Variants in FRMD4A observed in about 807,000 individuals in gnomAD.
FRMD4A encodes the protein FERM domain containing 4A.
Under a neutral mutation model 129.1 loss-of-function variants are expected in FRMD4A, and 29 were observed. The observed-to-expected ratio is 0.22, with a 90% CI of 0.17 to 0.31. FRMD4A has a LOEUF of 0.31. Among genes scored for constraint, FRMD4A ranks in the 10% least tolerant of loss-of-function variants. FRMD4A has a pLI of 1.00. For synonymous variants in FRMD4A, 634 were observed against 571.6 expected (o/e 1.11, Z -1.56); for missense variants, 1,272 against 1,375.8 (o/e 0.92, Z 1.19).
Position 14,207,825 on chromosome 10 carries a change from T to C in FRMD4A, c.45+122233A>G, listed in dbSNP as rs777107313. 1.2e-4 allele frequency among the ~76,000 whole-genome samples: 19 copies of C among 152,150 alleles called. 1 individual carries two copies. The highest frequency in any genetic ancestry group is 9.2e-4 in the Admixed American group (14 of 15,278). On this transcript the variant is annotated intron_variant, in intron 2 of 24. Coordinates refer to ENST00000357447, the MANE Select transcript of FRMD4A (RefSeq NM_018027.5). ...TTTTTATTTCCCTCTTTATACTGTT[T>C]ACATTTTCAGTGTTATACAATAAGC...
chr10:14,242,018 C>G (rs1844066315), intron 2 of FRMD4A, among the ~76,000 whole-genome samples: 1 of 152,136 alleles, frequency 6.6e-6, no homozygotes, highest in Non-Finnish European at 1.5e-5. Flanking sequence ...TGCTGATGCT[C>G]TAGTGGATAT....
chr10:13,882,042 G>A (rs71479845), intron 2 of FRMD4A, among the ~76,000 whole-genome samples: 6,313 of 76,940 alleles, frequency 0.082, 196 homozygotes, highest in Middle Eastern at 0.14. Context: ...TGTGTGTGAT[G>A]GTTAACATAA....
intron 12 of FRMD4A, among the ~76,000 whole-genome samples, chr10:13,716,460 A>G (rs2088820114): frequency 2.0e-5 from 3 of 152,218 alleles, no homozygotes; most frequent in South Asian, 4.1e-4. Flanking sequence ...TTGCACTGAA[A>G]GAGGCATCTA....
At chr10:14,142,708 T>C (rs1205646251) in intron 2 of FRMD4A, among the ~76,000 whole-genome samples, 2 of 152,360 alleles carry the variant, frequency 1.3e-5, no homozygotes, top group African/African-American at 4.8e-5. Flanking sequence ...TAAAGCCAGA[T>C]AGTATTTCAA....
At chr10:13,987,856 T>C (rs2095587447) in intron 2 of FRMD4A, among the ~76,000 whole-genome samples, 1 of 152,238 alleles carries the variant, frequency 6.6e-6, no homozygotes, top group Non-Finnish European at 1.5e-5. Context: ...TCTAATGATT[T>C]CAGAGTTTGC....
At position 13,858,774 on chromosome 10, in the gene FRMD4A, C is replaced by G. The variant is rs2094249272; in HGVS notation, c.111+73G>C. On this transcript the variant is annotated intron_variant, in intron 3 of 24. Transcript: ENST00000357447. ...AACAGTTTACCAAATCCCCCTTCAT[C>G]CCCAGCTGGATCAAGGTCTGAAACC... The G allele has an allele frequency of 5.8e-6, 5 of 862,872 alleles. No homozygotes were observed. In the South Asian group the frequency reaches 6.6e-5, roughly 11 times the overall value. 53.5% of individuals were successfully genotyped at this position (862,872 alleles called of 1,614,324 possible).
chr10:13,746,354 G>A (rs1247521648), intron 9 of FRMD4A, among the ~76,000 whole-genome samples: 1 of 152,110 alleles, frequency 6.6e-6, no homozygotes, highest in Non-Finnish European at 1.5e-5. Context: ...GGGACACCAG[G>A]CGCGCGACAT....
chr10:14,185,649 G>A (rs983924675), intron 2 of FRMD4A, among the ~76,000 whole-genome samples: 2 of 152,190 alleles, frequency 1.3e-5, no homozygotes, highest in South Asian at 4.1e-4. Flanking sequence ...AGCTGCAGGG[G>A]CGGTTGTTAG....
intron 2 of FRMD4A, among the ~76,000 whole-genome samples, chr10:14,196,317 A>C: frequency 6.6e-6 from 1 of 152,166 alleles, no homozygotes; most frequent in East Asian, 1.9e-4. Flanking sequence ...CCCACCCTCC[A>C]AGGACTGATC....
At chr10:13,904,096 C>A (rs967579932) in intron 2 of FRMD4A, among the ~76,000 whole-genome samples, 2 of 152,196 alleles carry the variant, frequency 1.3e-5, no homozygotes, top group Non-Finnish European at 2.9e-5. Flanking sequence ...ATTTGTTCAT[C>A]ACCAGGCACT....
intron 21 of FRMD4A, among the ~76,000 whole-genome samples, chr10:13,658,453 C>A (rs1188961120): frequency 6.6e-6 from 1 of 152,246 alleles, no homozygotes; most frequent in East Asian, 1.9e-4. Context: ...GATGCTGGGA[C>A]TGCATGTGAA....
At chr10:13,679,454 A>AAT (rs1564590890) in intron 15 of FRMD4A, among the ~76,000 whole-genome samples, 2 of 37,040 alleles carry the variant, frequency 5.4e-5, no homozygotes, top group Non-Finnish European at 9.7e-5. Flanking sequence ...AAAAAAAAAA[A>AAT]AAAAAAATAT....
At chr10:13,876,541 A>C (rs972019498) in intron 2 of FRMD4A, among the ~76,000 whole-genome samples, 3 of 152,172 alleles carry the variant, frequency 2.0e-5, no homozygotes, top group Non-Finnish European at 4.4e-5. Flanking sequence ...GTAACCAAGA[A>C]CCTTAATAAC....
chr10:13,989,436 A>G (rs2095595564), intron 2 of FRMD4A, among the ~76,000 whole-genome samples: 1 of 152,022 alleles, frequency 6.6e-6, no homozygotes, highest in Non-Finnish European at 1.5e-5. Flanking sequence ...GCTCACTGCA[A>G]CTTCCGCCTC....
At chr10:13,686,355 G>A (rs577470501) in intron 15 of FRMD4A, among the ~76,000 whole-genome samples, 27 of 152,364 alleles carry the variant, frequency 1.8e-4, no homozygotes, top group East Asian at 1.9e-4. Context: ...GAACACAGCC[G>A]CCATCATGAC....
At chr10:13,769,209 TTGTGTGTG>T (rs10558943) in intron 6 of FRMD4A, among the ~76,000 whole-genome samples, 7 of 145,186 alleles carry the variant, frequency 4.8e-5, no homozygotes, top group African/African-American at 7.6e-5. Flanking sequence ...AAGAGATGGG[TTGTGTGTG>T]TGTGTGTGTG....
chr10:14,324,808 A>G (rs1564466082), intron 2 of FRMD4A, among the ~76,000 whole-genome samples: 1 of 152,004 alleles, frequency 6.6e-6, no homozygotes, highest in African/African-American at 2.4e-5. Flanking sequence ...CTACAGGTGC[A>G]CCCCACCACG....
At chr10:14,041,310 G>A (rs980663119) in intron 2 of FRMD4A, among the ~76,000 whole-genome samples, 4 of 152,118 alleles carry the variant, frequency 2.6e-5, no homozygotes, top group African/African-American at 9.7e-5. Flanking sequence ...TTTTTCAAAA[G>A]GCGTTTCTCA....
chr10:14,045,547 A>G (rs1833952325), intron 2 of FRMD4A, among the ~76,000 whole-genome samples: 1 of 151,228 alleles, frequency 6.6e-6, no homozygotes, highest in African/African-American at 2.4e-5. Context: ...GTTATTGAAT[A>G]ATATGTATGT....
Sources: allele counts gnomAD v4.1 joint callset (sites outside exome capture counted in the v4.1 genomes callset), GRCh38; gene constraint gnomAD v4.1.1; transcripts MANE v1.5; gene names NCBI Gene and HGNC (gene_info 2026-07-23, HGNC 2026-07-21).